The following PML variants were observed in gnomAD, a reference collection of about 807,000 sequenced individuals.
The protein encoded by PML is protein PML.
A neutral mutation model predicts 65.2 loss-of-function variants in PML; 28 were observed. The observed-to-expected ratio is 0.43, with a 90% CI of 0.32 to 0.59. The LOEUF is 0.59. PML is among the 20% of genes least tolerant of loss of function. PML has a pLI of 0.08. For missense variants in PML, 1,021 were observed against 1,203.4 expected (o/e 0.85, Z 2.24); for synonymous variants, 500 against 508.8 (o/e 0.98, Z 0.23).
intron 2 of PML, among the ~76,000 whole-genome samples, chr15:74,021,794 G>A: frequency 6.6e-6 from 1 of 152,110 alleles, no homozygotes; most frequent in East Asian, 1.9e-4. Context: ...GAAATTACCT[G>A]AATGCCAGCA....
chr15:74,042,396 C>T lies in PML; in HGVS notation c.1711-593C>T, dbSNP rs16958632. On this transcript the variant is annotated intron_variant, in intron 7 of 8. Coordinates refer to ENST00000268058, the MANE Select transcript of PML (RefSeq NM_033238.3). This position sits in a 1 kb window ranked among gnomAD's most constrained non-coding sequence, Gnocchi z 5.3. ...AGGACACTGGCACCTCGGCTGACTT[C>T]GGGGACAAGAAAAGGCAGGCTCCCG... 1.1e-3 allele frequency: 1,063 copies of T among 985,424 alleles called. 24 individuals carry two copies. In the South Asian group the frequency reaches 0.03, roughly 28 times the overall value. 61.0% of individuals were successfully genotyped at this position (985,424 alleles called of 1,614,324 possible). A position where few individuals can be genotyped will look rare whatever the true frequency, so the allele number is the denominator to read the frequency against.
At position 74,034,468 on chromosome 15, in the gene PML, C is replaced by T. The variant is rs368024139; in HGVS notation, c.1658-10C>T. Reference sequence around the variant, plus strand: ...GCAGTTCATAATGCATCTCCCCTTCCCCGTTTCAGAGGAACGCGTTGTGGT... The same window carrying T: ...GCAGTTCATAATGCATCTCCCCTTCTCCGTTTCAGAGGAACGCGTTGTGGT... On this transcript the variant is annotated splice_polypyrimidine_tract_variant and intron_variant, in intron 6 of 8. Coordinates refer to ENST00000268058, the MANE Select transcript of PML (RefSeq NM_033238.3). 3 of 1,614,092 alleles carry T rather than the reference C, an allele frequency of 1.9e-6. No individual in the cohort carries two copies. The African/African-American group carries it at 4.0e-5, about 22-fold the overall frequency.
rs2071736007 is a variant in PML, at chr15:74,043,477, A to G, written c.1861+338A>G. On this transcript the variant is annotated intron_variant, in intron 8 of 8. Transcript: ENST00000268058. This position sits in a 1 kb window ranked among gnomAD's most constrained non-coding sequence, Gnocchi z 4.3. Reference sequence around the variant, plus strand: ...TGAGCTCATTGCCGTGAGCCCTGTCATCCAAGTAAGGCCTCTGGCTGTGCT... The same window carrying G: ...TGAGCTCATTGCCGTGAGCCCTGTCGTCCAAGTAAGGCCTCTGGCTGTGCT... 1 of 1,107,138 alleles carries G rather than the reference A, an allele frequency of 9.0e-7. No individual in the cohort carries two copies. The allele number at this position is 1,107,138 out of a possible 1,614,324, so 68.6% of individuals were successfully genotyped here.
rs192917941 is a variant in PML, at chr15:74,023,697, T to A, written c.1183+289T>A. On this transcript the variant is annotated intron_variant, in intron 3 of 8. Transcript: ENST00000268058. ...CGTGAAAGTTGAAAAACTGCAAAGC[T>A]GAGAATCAGACCCAGTATCATTTTG... Among the ~76,000 whole-genome samples the A allele has an allele frequency of 2.7e-3, 415 of 152,274 alleles. 3 individuals carry two copies. The highest frequency in any genetic ancestry group is 9.6e-3 in the African/African-American group (397 of 41,544).
intron 3 of PML, 130 bp downstream of exon 3, chr15:74,023,538 AAGGTCTT>A: frequency 1.3e-6 from 1 of 793,890 alleles, no homozygotes; most frequent in Non-Finnish European, 2.1e-6. Context: ...GGGGGTTGGT[AAGGTCTT>A]AGGTTCCAGG....
Position 74,044,415 on chromosome 15 carries a change from A to G in PML, c.2056A>G (p.Asn686Asp), listed in dbSNP as rs752841570. The part of the protein sequence containing the change: ...CYKLWGPGLP[N>D]FFRALEDINR... ...CAAGCTGTGGGGGCCTGGCCTCCCA[A>G]ACTTCTTCCGGGCCCTGGAGGACAT... The change falls in exon 9 of 9, where the codon AAC becomes GAC. Residue 686 changes from asparagine (N) to aspartate (D), a missense_variant. By Grantham distance (23) the Asn-to-Asp change is conservative (BLOSUM62 1). Coordinates refer to ENST00000268058, the MANE Select transcript of PML (RefSeq NM_033238.3). 6.2e-6 allele frequency: 10 copies of G among 1,614,074 alleles called. No individual in the cohort carries two copies. The highest frequency in any genetic ancestry group is 1.6e-4 in the Middle Eastern group (1 of 6,062).
rs375629289 is a variant in PML, at chr15:74,033,332, G to A, written c.1575G>A (p.Pro525=). ...KAVSPPHLDG[P]PSPRSPVIGS... is the part of the protein sequence containing the mutation. Reference sequence around the variant, plus strand: ...TCTCACCACCCCACCTGGATGGACCGCCTAGCCCCAGGAGCCCCGTCATAG... The same window carrying A: ...TCTCACCACCCCACCTGGATGGACCACCTAGCCCCAGGAGCCCCGTCATAG... The change falls in exon 6 of 9, where the codon CCG becomes CCA. Residue 525 remains proline, a synonymous_variant. Transcript: ENST00000268058. The A allele has an allele frequency of 3.4e-4, 546 of 1,613,976 alleles. 2 individuals are homozygous for A. The highest frequency in any genetic ancestry group is 4.9e-4 in the Middle Eastern group (3 of 6,084).
chr15:74,038,585 T>C (rs1219588288), intron 7 of PML, among the ~76,000 whole-genome samples: 1 of 152,108 alleles, frequency 6.6e-6, no homozygotes. Flanking sequence ...TCACCCAACT[T>C]CTGGGCCCTT....
At chr15:74,013,800 T>C (rs538403016) in intron 2 of PML, among the ~76,000 whole-genome samples, 1 of 152,382 alleles carries the variant, frequency 6.6e-6, no homozygotes, top group Non-Finnish European at 1.5e-5. Flanking sequence ...CAGATTTAAA[T>C]AAAATAGCTT....
intron 2 of PML, among the ~76,000 whole-genome samples, chr15:74,000,706 TA>T (rs770696218): frequency 1.3e-5 from 2 of 152,248 alleles, no homozygotes; most frequent in East Asian, 3.8e-4. Context: ...TGAATTTGTA[TA>T]TTTTTTTATT....
intron 2 of PML, among the ~76,000 whole-genome samples, chr15:74,001,560 C>T (rs1415450336): frequency 2.6e-5 from 4 of 151,986 alleles, no homozygotes; most frequent in Non-Finnish European, 5.9e-5. Flanking sequence ...AGGCTGGTCT[C>T]GAACTCCTGG....
At chr15:74,034,090 TG>T in intron 6 of PML, 1 of 369,902 alleles carries the variant, frequency 2.7e-6, no homozygotes, top group Non-Finnish European at 5.1e-6. Flanking sequence ...ATTAACTAAA[TG>T]AAGCGTCTTT....
chr15:74,021,294 T>C (rs1440600127), intron 2 of PML, among the ~76,000 whole-genome samples: 1 of 152,066 alleles, frequency 6.6e-6, no homozygotes, highest in East Asian at 1.9e-4. Flanking sequence ...CTAGCTAAAA[T>C]ATATTAACCA....
In PML at chr15:74,042,470, C is replaced by A. The variant is rs185177821; in HGVS notation, c.1711-519C>A. 1.0e-6 allele frequency: 1 copy of A among 985,302 alleles called. No homozygotes were observed. Among genetic ancestry groups the A allele is most frequent in the Non-Finnish European group, 1.2e-6 (1 of 829,930 alleles). 61.0% of individuals were successfully genotyped at this position (985,302 alleles called of 1,614,324 possible). Reference sequence around the variant, plus strand: ...GGTTCAAGATGAGGCTTCTTTCTCCCGTCCCAAGTTTTGGTGTTTCTTCTG... The same window carrying A: ...GGTTCAAGATGAGGCTTCTTTCTCCAGTCCCAAGTTTTGGTGTTTCTTCTG... On this transcript the variant is annotated intron_variant, in intron 7 of 8. Transcript: ENST00000268058. The surrounding 1 kb of genome is among the most constrained non-coding windows in gnomAD (Gnocchi z 5.3).
intron 4 of PML, chr15:74,028,315 G>C (rs988686532): frequency 6.6e-5 from 10 of 152,140 alleles, no homozygotes; most frequent in African/African-American, 2.2e-4. Flanking sequence ...TTGGGACAGA[G>C]GCAGAGAAGA....
chr15:74,012,047 C>T (rs1278727486), intron 2 of PML, among the ~76,000 whole-genome samples: 32 of 152,170 alleles, frequency 2.1e-4, no homozygotes, highest in Admixed American at 2.1e-3. Flanking sequence ...TTCCCTTTTA[C>T]AGAAGATAAA....
chr15:74,035,025 G>A lies in PML; in HGVS notation c.1710+495G>A. ...AGTGAAACAGGTGGCCTCGTGGGTA[G>A]TGACCCTTCTGTCCCTAGAGGTTTA... On this transcript the variant is annotated intron_variant, in intron 7 of 8. Coordinates refer to ENST00000268058, the MANE Select transcript of PML (RefSeq NM_033238.3). The surrounding 1 kb of genome is among the most constrained non-coding windows in gnomAD (Gnocchi z 4.1). The A allele has an allele frequency of 6.6e-7, 1 of 1,519,434 alleles. No individual in the cohort carries two copies. Among genetic ancestry groups the A allele is most frequent in the East Asian group, 2.3e-5 (1 of 44,016 alleles). The allele number at this position is 1,519,434 out of a possible 1,614,324, so 94.1% of individuals were successfully genotyped here. A position where few individuals can be genotyped will look rare whatever the true frequency, so the allele number is the denominator to read the frequency against.
chr15:74,044,283 C>T lies in PML; in HGVS notation c.1924C>T (p.Pro642Ser), dbSNP rs747332047. ...RESKFRVVIQ[P>S]EAFFSIYSKA... ...AAGCAAGTTCCGCGTGGTCATCCAG[C>T]CTGAAGCCTTCTTCAGCATCTACTC... Residue 642 changes from proline (P) to serine (S), a missense_variant, in exon 9 of 9, where the codon CCT becomes TCT. Physicochemically the swap from Pro to Ser is moderately conservative, Grantham distance 74. Transcript: ENST00000268058. 1.9e-6 allele frequency: 3 copies of T among 1,613,970 alleles called. No homozygotes were observed. In the Admixed American group the frequency reaches 5.0e-5, roughly 27 times the overall value.
intron 7 of PML, among the ~76,000 whole-genome samples, chr15:74,039,665 G>T (rs558929087): frequency 5.6e-4 from 86 of 152,258 alleles, no homozygotes; most frequent in African/African-American, 2.0e-3. Flanking sequence ...GATTCTAATC[G>T]AATCAGTCTT....
Sources: allele counts gnomAD v4.1 joint callset (sites outside exome capture counted in the v4.1 genomes callset), GRCh38; gene constraint gnomAD v4.1.1; non-coding constraint Gnocchi (gnomAD v3.1); transcripts MANE v1.5; gene names NCBI Gene and HGNC (gene_info 2026-07-23, HGNC 2026-07-21).